The following RERE variants were observed in gnomAD, a reference collection of about 807,000 sequenced individuals.
The protein encoded by RERE is arginine-glutamic acid dipeptide repeats protein.
In RERE, 40 loss-of-function variants were observed where a neutral mutation model predicts 146.1. The observed-to-expected ratio is 0.27, with a 90% CI of 0.21 to 0.36. RERE has a LOEUF of 0.36. RERE is among the 10% of genes least tolerant of loss of function. The pLI, the probability that RERE is intolerant of heterozygous loss-of-function variation, is 1.00. For missense variants in RERE, 1,933 were observed against 2,138.7 expected (o/e 0.90, Z 1.90); for synonymous variants, 1,003 against 866.0 (o/e 1.16, Z -2.78).
chr1:8,734,974 T>C (rs1181809157), intron 1 of RERE, among the ~76,000 whole-genome samples: 1 of 152,198 alleles, frequency 6.6e-6, no homozygotes, highest in Non-Finnish European at 1.5e-5. Flanking sequence ...AAATTATTTA[T>C]TATTTGCCTC....
intron 1 of RERE, chr1:8,750,421 G>A (rs567487241): frequency 4.4e-5 from 34 of 776,908 alleles, no homozygotes; most frequent in Non-Finnish European, 6.3e-5. Context: ...CTCTTTTTCC[G>A]GCTGGAACCA....
intron 1 of RERE, among the ~76,000 whole-genome samples, chr1:8,694,078 G>A (rs532743427): frequency 4.3e-5 from 6 of 140,874 alleles, no homozygotes; most frequent in African/African-American, 1.6e-4. Context: ...TACATTTTCC[G>A]CACTTTTAGT....
rs142073794 is a variant in RERE at position 8,540,087 on chromosome 1, A to T, written c.830+1127T>A. 8.9e-4 allele frequency among the ~76,000 whole-genome samples: 135 copies of T among 151,658 alleles called. No homozygotes were observed. In the East Asian group the frequency reaches 0.023, roughly 25 times the overall value. On this transcript the variant is annotated intron_variant, in intron 7 of 22. Transcript: ENST00000400908. ...GCCAAGTATTATTTATTATTTATTTATTTATTTATTTTTTATTCTTTTAAA... is the reference window on the plus strand; with the variant it reads ...GCCAAGTATTATTTATTATTTATTTTTTTATTTATTTTTTATTCTTTTAAA...
chr1:8,525,122 G>A (rs545552226), intron 7 of RERE, among the ~76,000 whole-genome samples: 30 of 152,082 alleles, frequency 2.0e-4, no homozygotes, highest in Admixed American at 3.9e-4. Flanking sequence ...GAAGGCAAGA[G>A]ACTAAGTAAA....
At chr1:8,661,303 G>A (rs1489066887) in intron 1 of RERE, among the ~76,000 whole-genome samples, 1 of 152,206 alleles carries the variant, frequency 6.6e-6, no homozygotes, top group Non-Finnish European at 1.5e-5. Flanking sequence ...AAAAGGGGGA[G>A]AGAGGTCAGA....
At chr1:8,502,674 A>C (rs1052841150) in intron 8 of RERE, among the ~76,000 whole-genome samples, 1 of 150,488 alleles carries the variant, frequency 6.6e-6, no homozygotes, top group Non-Finnish European at 1.5e-5. Context: ...AAAATTGAGA[A>C]ATCGGATGGT....
At chr1:8,750,565 G>C in intron 1 of RERE, 1 of 1,000,850 alleles carries the variant, frequency 1.0e-6, no homozygotes, top group South Asian at 1.3e-5. Context: ...GAAAGGCAAG[G>C]AAGAAGCTTA....
chr1:8,563,839 A>G (rs1646106669), intron 4 of RERE, among the ~76,000 whole-genome samples: 2 of 152,262 alleles, frequency 1.3e-5, no homozygotes, highest in Admixed American at 1.3e-4. Context: ...GAAACTTTTC[A>G]TGCATTTCCA....
At chr1:8,393,416 A>T (rs1211847371) in intron 12 of RERE, among the ~76,000 whole-genome samples, 1 of 152,134 alleles carries the variant, frequency 6.6e-6, no homozygotes, top group East Asian at 1.9e-4. Context: ...ATTGGACCGT[A>T]GCATGACAAA....
At chr1:8,592,738 G>A (rs556008094) in intron 4 of RERE, among the ~76,000 whole-genome samples, 8 of 152,206 alleles carry the variant, frequency 5.3e-5, no homozygotes, top group South Asian at 2.1e-4. Context: ...TCATCTTTGC[G>A]CAGAGTTCTA....
At chr1:8,634,138 TCA>T (rs898654229) in intron 2 of RERE, among the ~76,000 whole-genome samples, 3 of 152,090 alleles carry the variant, frequency 2.0e-5, no homozygotes, top group Non-Finnish European at 4.4e-5. Context: ...ACACATTCAA[TCA>T]AGACCAAGCC....
At chr1:8,569,257 CAA>C (rs77151908) in intron 4 of RERE, among the ~76,000 whole-genome samples, 74 of 101,376 alleles carry the variant, frequency 7.3e-4, no homozygotes, top group Admixed American at 1.3e-3. Flanking sequence ...TCTTTAAAAG[CAA>C]AAAAAAAAAA....
chr1:8,807,387 C>T (rs545753742), intron 1 of RERE, among the ~76,000 whole-genome samples: 16 of 152,076 alleles, frequency 1.1e-4, no homozygotes, highest in Non-Finnish European at 1.8e-4. Flanking sequence ...TTTGCAGTTC[C>T]GCCGCCCCCC....
At chr1:8,555,520 A>G (rs1472443938) in intron 6 of RERE, among the ~76,000 whole-genome samples, 1 of 152,210 alleles carries the variant, frequency 6.6e-6, no homozygotes, top group African/African-American at 2.4e-5. Flanking sequence ...TCTGAGCATC[A>G]GAATGGAGAA....
chr1:8,549,418 C>T (rs1212569716), intron 6 of RERE, among the ~76,000 whole-genome samples: 5 of 151,850 alleles, frequency 3.3e-5, no homozygotes, highest in Non-Finnish European at 5.9e-5. Flanking sequence ...AATAAATATC[C>T]GTAAGTTCAT....
At chr1:8,388,576 C>T (rs1570118577) in intron 12 of RERE, among the ~76,000 whole-genome samples, 3 of 152,182 alleles carry the variant, frequency 2.0e-5, no homozygotes, top group African/African-American at 4.8e-5. Context: ...GCCTTGGCCT[C>T]CCAAAGTGCT....
chr1:8,754,879 A>ATG (rs1640606687), intron 1 of RERE, among the ~76,000 whole-genome samples: 1 of 152,248 alleles, frequency 6.6e-6, no homozygotes, highest in Non-Finnish European at 1.5e-5. Context: ...AGATTGGTAC[A>ATG]TGTTTAACTG....
chr1:8,707,459 G>C (rs1639580288), intron 1 of RERE, among the ~76,000 whole-genome samples: 1 of 151,998 alleles, frequency 6.6e-6, no homozygotes, highest in South Asian at 2.1e-4. Context: ...CACAGCAAAG[G>C]AAGAATCATA....
At chr1:8,455,965 A>T (rs1644448346) in intron 11 of RERE, among the ~76,000 whole-genome samples, 1 of 152,186 alleles carries the variant, frequency 6.6e-6, no homozygotes, top group African/African-American at 2.4e-5. Context: ...GAAGAATATC[A>T]GAACACTACT....
Sources: allele counts gnomAD v4.1 joint callset (sites outside exome capture counted in the v4.1 genomes callset), GRCh38; gene constraint gnomAD v4.1.1; transcripts MANE v1.5; gene names NCBI Gene and HGNC (gene_info 2026-07-23, HGNC 2026-07-21).